Variants in SLC25A43 observed in about 807,000 individuals in gnomAD.
The protein encoded by SLC25A43 is solute carrier family 25 member 43.
SLC25A43 carries 10 observed loss-of-function variants against 22.8 expected under a neutral mutation model. The ratio of observed to expected loss-of-function variants is 0.44; its 90% CI spans 0.27 to 0.74. The LOEUF (loss-of-function observed/expected upper bound fraction) is 0.74, where lower values mean the gene tolerates loss of function less well. SLC25A43 is among the 30% of genes least tolerant of loss of function. The probability of loss-of-function intolerance (pLI) is 0.17; values close to 1 mark genes in which losing one functional copy is unlikely to be tolerated. For synonymous variants in SLC25A43, 106 were observed against 121.6 expected (o/e 0.87, Z 0.84); for missense variants, 233 against 279.1 (o/e 0.83, Z 1.18).
intron 2 of SLC25A43, among the ~76,000 whole-genome samples, chrX:119,407,013 T>G (rs745849974): frequency 7.1e-5 from 8 of 113,262 alleles, no homozygotes; most frequent in Non-Finnish European, 1.3e-4. Flanking sequence ...CACATTGATA[T>G]GCCATGAGGG....
chrX:119,443,317 G>T (rs1300771579), intron 3 of SLC25A43, among the ~76,000 whole-genome samples: 3 of 110,526 alleles, frequency 2.7e-5, no homozygotes, highest in Non-Finnish European at 3.8e-5. Flanking sequence ...ACAGGGTTTT[G>T]CCATGTTGGC....
chrX:119,405,649 A>G (rs1287970282), intron 1 of SLC25A43, among the ~76,000 whole-genome samples: 1 of 102,618 alleles, frequency 9.7e-6, no homozygotes, highest in African/African-American at 3.6e-5. Flanking sequence ...GCACATCTGT[A>G]GTTTCAGCTA....
intron 3 of SLC25A43, among the ~76,000 whole-genome samples, chrX:119,446,825 G>C (rs778212461): frequency 8.9e-6 from 1 of 112,385 alleles, no homozygotes; most frequent in South Asian, 3.7e-4. Flanking sequence ...AAATTAAAAA[G>C]ACCCAGTCCT....
chrX:119,429,168 C>T (rs774815761), intron 3 of SLC25A43, among the ~76,000 whole-genome samples: 2 of 108,832 alleles, frequency 1.8e-5, no homozygotes, highest in Non-Finnish European at 3.8e-5. Flanking sequence ...TCTCCTGCCT[C>T]ACCCTCCCGA....
chrX:119,416,007 C>CA (rs34024967), intron 3 of SLC25A43, among the ~76,000 whole-genome samples: 2,746 of 50,205 alleles, frequency 0.055, 103 homozygotes, highest in Middle Eastern at 0.11. Context: ...GACCCTATCT[C>CA]AAAAAAAAAA....
chrX:119,435,457 C>CTTTTTTT (rs1175233726), intron 3 of SLC25A43, among the ~76,000 whole-genome samples: 84 of 54,675 alleles, frequency 1.5e-3, no homozygotes, highest in Non-Finnish European at 1.7e-3. Flanking sequence ...AGATTTTATT[C>CTTTTTTT]TTTTTTTTTT....
At chrX:119,432,007 C>T (rs1233246443) in intron 3 of SLC25A43, among the ~76,000 whole-genome samples, 2 of 109,025 alleles carry the variant, frequency 1.8e-5, no homozygotes, top group African/African-American at 6.7e-5. Flanking sequence ...TACAAAACAG[C>T]TGGACATGGT....
chrX:119,404,437 C>T (rs1333656121), intron 1 of SLC25A43, among the ~76,000 whole-genome samples: 2 of 111,854 alleles, frequency 1.8e-5, no homozygotes, highest in African/African-American at 6.5e-5. Context: ...ACAGAGGATA[C>T]CACAAAGGAT....
chrX:119,404,058 C>T lies in SLC25A43; in HGVS notation c.276-2402C>T, dbSNP rs534751767. Among the ~76,000 whole-genome samples, 4 of 102,697 alleles carry T rather than the reference C, an allele frequency of 3.9e-5. No homozygotes were observed. In the South Asian group the frequency reaches 1.4e-3, roughly 36 times the overall value. 89.2% of individuals were successfully genotyped at this position (102,697 alleles called of 115,157 possible). On this transcript the variant is annotated intron_variant, in intron 1 of 4. Transcript: ENST00000217909. ...CTGTGACCCGGGCTGGAGTGCAGTG[C>T]GTGATCTCGGCTCACTGCAACCTCT...
chrX:119,423,051 TTCTCAGCCCTGA>T (rs1303837213), intron 3 of SLC25A43: 1 of 111,265 alleles, frequency 9.0e-6, no homozygotes, highest in African/African-American at 3.3e-5. Context: ...ATCCACTCAT[TTCTCAGCCCTGA>T]AGTCGGCCCT....
intron 2 of SLC25A43, 72 bp downstream of exon 2, chrX:119,406,773 T>C (rs2052300842): frequency 9.0e-7 from 1 of 1,107,411 alleles, no homozygotes; most frequent in African/African-American, 1.8e-5. Flanking sequence ...TTGTATACCT[T>C]TGTGAGCCAC....
intron 3 of SLC25A43, among the ~76,000 whole-genome samples, chrX:119,449,180 G>A (rs745722001): frequency 1.8e-5 from 2 of 110,071 alleles, no homozygotes; most frequent in Non-Finnish European, 3.8e-5. Context: ...TTGGGAGGCC[G>A]AGGCAGGTGG....
At chrX:119,450,562 G>A (rs2052698451) in intron 3 of SLC25A43, among the ~76,000 whole-genome samples, 1 of 111,676 alleles carries the variant, frequency 9.0e-6, no homozygotes, top group Admixed American at 9.5e-5. Context: ...GGGTCACAGG[G>A]CCAAGTAAGT....
intron 3 of SLC25A43, among the ~76,000 whole-genome samples, chrX:119,415,839 A>C (rs2147265743): frequency 9.2e-6 from 1 of 108,543 alleles, no homozygotes; most frequent in Admixed American, 1.0e-4. Flanking sequence ...CGTCTCCATA[A>C]AAAATACAAA....
At chrX:119,424,442 A>G (rs1603296898) in intron 3 of SLC25A43, among the ~76,000 whole-genome samples, 1 of 109,813 alleles carries the variant, frequency 9.1e-6, no homozygotes, top group East Asian at 2.9e-4. Flanking sequence ...TGGGACTTGA[A>G]CCTATGTCTC....
At chrX:119,435,081 T>G (rs2052589596) in intron 3 of SLC25A43, among the ~76,000 whole-genome samples, 1 of 111,008 alleles carries the variant, frequency 9.0e-6, no homozygotes, top group East Asian at 2.8e-4. Context: ...TCAAGTTATC[T>G]GCCCACCTCG....
chrX:119,416,007 CAAAAAA>C (rs34024967), intron 3 of SLC25A43, among the ~76,000 whole-genome samples: 1 of 50,421 alleles, frequency 2.0e-5, no homozygotes, highest in South Asian at 1.4e-3. Flanking sequence ...GACCCTATCT[CAAAAAA>C]AAAAAAAAAA....
At chrX:119,410,616 G>A (rs748003955) in intron 3 of SLC25A43, among the ~76,000 whole-genome samples, 3 of 111,886 alleles carry the variant, frequency 2.7e-5, no homozygotes, top group Non-Finnish European at 5.6e-5. Context: ...GGCTAGGGGC[G>A]GTGATTCACG....
intron 1 of SLC25A43, among the ~76,000 whole-genome samples, chrX:119,399,940 C>G (rs777787529): frequency 4.4e-5 from 5 of 112,555 alleles, no homozygotes; most frequent in Non-Finnish European, 9.4e-5. Context: ...AGAGGCTTTC[C>G]GGATTGGACC....
Sources: allele counts gnomAD v4.1 joint callset (sites outside exome capture counted in the v4.1 genomes callset), GRCh38; gene constraint gnomAD v4.1.1; transcripts MANE v1.5; gene names NCBI Gene and HGNC (gene_info 2026-07-23, HGNC 2026-07-21).